Variants in TMEM178B observed in about 807,000 individuals in gnomAD.
TMEM178B encodes transmembrane protein 178B.
Under a neutral mutation model 31.0 loss-of-function variants are expected in TMEM178B, and 5 were observed. The observed-to-expected ratio is 0.16, with a 90% CI of 0.08 to 0.34. TMEM178B has a LOEUF of 0.34. Among genes scored for constraint, TMEM178B ranks in the 10% least tolerant of loss-of-function variants. The pLI is 1.00. For synonymous variants in TMEM178B, 164 were observed against 164.0 expected (o/e 1.00, Z 0.00); for missense variants, 275 against 400.3 (o/e 0.69, Z 2.67).
chr7:141,320,085 T>C (rs976663522), intron 2 of TMEM178B, among the ~76,000 whole-genome samples: 5 of 151,972 alleles, frequency 3.3e-5, no homozygotes, highest in African/African-American at 1.2e-4. Flanking sequence ...TCTCATGAGA[T>C]CTGATGGTTT....
intron 2 of TMEM178B, among the ~76,000 whole-genome samples, chr7:141,413,720 G>T (rs1461444780): frequency 6.6e-6 from 1 of 152,190 alleles, no homozygotes; most frequent in Non-Finnish European, 1.5e-5. Flanking sequence ...GAAAAGAGCT[G>T]TTTGAACTTC....
chr7:141,186,739 G>T (rs1308399321), intron 1 of TMEM178B, among the ~76,000 whole-genome samples: 1 of 152,164 alleles, frequency 6.6e-6, no homozygotes. Context: ...TGTTATGTGA[G>T]TGGGTCTCTT....
intron 2 of TMEM178B, among the ~76,000 whole-genome samples, chr7:141,220,531 G>A (rs562534446): frequency 5.9e-5 from 9 of 151,986 alleles, no homozygotes; most frequent in African/African-American, 2.2e-4. Context: ...GGGAGGGAAG[G>A]GAGGAGGCCT....
At chr7:141,457,586 T>C (rs1246137726) in intron 3 of TMEM178B, among the ~76,000 whole-genome samples, 1 of 152,162 alleles carries the variant, frequency 6.6e-6, no homozygotes, top group Non-Finnish European at 1.5e-5. Flanking sequence ...AAGGAGTGTA[T>C]GCTATGTAGA....
At chr7:141,285,177 T>TTTTTC (rs1233859035) in intron 2 of TMEM178B, among the ~76,000 whole-genome samples, 85 of 140,218 alleles carry the variant, frequency 6.1e-4, no homozygotes, top group African/African-American at 9.4e-4. Context: ...TTTTTTTTTT[T>TTTTTC]TGAGACGTAG....
intron 1 of TMEM178B, among the ~76,000 whole-genome samples, chr7:141,120,291 A>G (rs532960032): frequency 1.3e-5 from 2 of 152,336 alleles, no homozygotes; most frequent in South Asian, 2.1e-4. Context: ...GTGAGAAAAT[A>G]TATCTGTTTG....
intron 2 of TMEM178B, among the ~76,000 whole-genome samples, chr7:141,402,336 G>A (rs1368621319): frequency 4.6e-5 from 7 of 152,222 alleles, no homozygotes; most frequent in South Asian, 4.1e-4. Flanking sequence ...ATTGGCCAGC[G>A]TGGGTGTAGG....
chr7:141,485,398 G>C, the TMEM178B span, among the ~76,000 whole-genome samples: 1 of 152,150 alleles, frequency 6.6e-6, no homozygotes, highest in East Asian at 1.9e-4. Flanking sequence ...AAGATATTTA[G>C]CCTCTGTGTG....
In TMEM178B at chr7:141,474,511, A is replaced by G. The variant is rs1249505385; in HGVS notation, c.*3725A>G. ...ATCCTCCTCCAAGCCTTAGCTTTTC[A>G]ACAACCCTACCCTTTCAACTTCAGG... On this transcript the variant is annotated 3_prime_UTR_variant, in exon 4 of 4. Coordinates refer to ENST00000565468, the MANE Select transcript of TMEM178B (RefSeq NM_001195278.2). The G allele has an allele frequency of 6.6e-6, 1 of 152,216 alleles. No homozygotes were observed. The highest frequency in any genetic ancestry group is 1.9e-4 in the East Asian group (1 of 5,198). 9.4% of individuals were successfully genotyped at this position (152,216 alleles called of 1,614,324 possible).
intron 2 of TMEM178B, among the ~76,000 whole-genome samples, chr7:141,436,299 G>A (rs2116679137): frequency 6.6e-6 from 1 of 152,328 alleles, no homozygotes; most frequent in South Asian, 2.1e-4. Context: ...CAGGCAGGCT[G>A]CAGCAGCTGG....
intron 1 of TMEM178B, among the ~76,000 whole-genome samples, chr7:141,135,960 G>A (rs1348783223): frequency 6.6e-6 from 1 of 151,914 alleles, no homozygotes. Context: ...TAAACTGCTA[G>A]CTAGACTAAC....
downstream of TMEM178B, among the ~76,000 whole-genome samples, chr7:141,480,983 C>G (rs1412061422): frequency 1.3e-5 from 2 of 152,180 alleles, no homozygotes; most frequent in African/African-American, 4.8e-5. Context: ...AAGTAATTTA[C>G]TGATGAGACA....
In TMEM178B at chr7:141,464,620, A is replaced by C. The variant is rs796906305; in HGVS notation, c.635-5916A>C. The stretch of plus-strand genomic sequence containing the variant: ...TTCTTAAGGGCAGGGATCATGTCTT[A>C]TTCTTACTTTGATGTCCCTAGCATG... On this transcript the variant is annotated intron_variant, in intron 3 of 3. Transcript: ENST00000565468. 3.3e-5 allele frequency among the ~76,000 whole-genome samples: 5 copies of C among 152,186 alleles called. No individual in the cohort carries two copies. The South Asian group carries it at 8.3e-4, about 25-fold the overall frequency.
At chr7:141,211,499 T>C (rs1202965191) in intron 1 of TMEM178B, among the ~76,000 whole-genome samples, 1 of 152,180 alleles carries the variant, frequency 6.6e-6, no homozygotes, top group East Asian at 1.9e-4. Flanking sequence ...GGGTGCAAAA[T>C]GGATTACCAT....
chr7:141,149,534 A>G (rs1795922173), intron 1 of TMEM178B, among the ~76,000 whole-genome samples: 1 of 150,662 alleles, frequency 6.6e-6, no homozygotes, highest in Non-Finnish European at 1.5e-5. Context: ...GGTAACAACA[A>G]CAACAGCAAC....
intron 2 of TMEM178B, among the ~76,000 whole-genome samples, chr7:141,306,734 C>T (rs905331112): frequency 2.6e-5 from 4 of 151,834 alleles, no homozygotes; most frequent in African/African-American, 7.3e-5. Flanking sequence ...TGTGCCATCC[C>T]TCTGTTTAAA....
chr7:141,152,521 G>A (rs1224406648), intron 1 of TMEM178B, among the ~76,000 whole-genome samples: 1 of 152,224 alleles, frequency 6.6e-6, no homozygotes, highest in Non-Finnish European at 1.5e-5. Context: ...GTGACCCTCT[G>A]TCACTTCTAC....
chr7:141,319,148 C>G (rs966239095), intron 2 of TMEM178B, among the ~76,000 whole-genome samples: 1 of 152,214 alleles, frequency 6.6e-6, no homozygotes. Context: ...ATAGGAGAGT[C>G]ACTCTAGAAA....
intron 2 of TMEM178B, among the ~76,000 whole-genome samples, chr7:141,267,310 G>A (rs1346354843): frequency 1.3e-5 from 2 of 152,192 alleles, no homozygotes; most frequent in Non-Finnish European, 2.9e-5. Context: ...CACTAAAGTA[G>A]TAGGAGCTTG....
Sources: gnomAD v4.1 joint callset for allele counts (sites outside exome capture counted in the v4.1 genomes callset) on GRCh38, gnomAD v4.1.1 for gene constraint, MANE v1.5 for transcripts, NCBI Gene and HGNC (gene_info 2026-07-23, HGNC 2026-07-21) for gene names.